Variants in ADCY3 observed in about 807,000 individuals in gnomAD.
ADCY3 encodes adenylate cyclase type 3.
A neutral mutation model predicts 119.4 loss-of-function variants in ADCY3; 70 were observed. That is an observed-to-expected ratio of 0.59 (90% CI 0.48 to 0.72). The LOEUF (loss-of-function observed/expected upper bound fraction) is 0.72. Ranked by LOEUF, ADCY3 falls within the 30% of genes least tolerant of loss-of-function variation. ADCY3 has a pLI of 0.00. For missense variants in ADCY3, 1,238 were observed against 1,541.6 expected, an observed-to-expected ratio of 0.80 and a Z score of 3.30; for synonymous variants, 672 against 621.4, an observed-to-expected ratio of 1.08 and a Z score of -1.21.
intron 13 of ADCY3, among the ~76,000 whole-genome samples, chr2:24,828,471 G>C (rs943897402): frequency 6.6e-6 from 1 of 152,152 alleles, no homozygotes; most frequent in African/African-American, 2.4e-5. Context: ...GCCAAAAGTA[G>C]GAGCCAAGTC....
chr2:24,900,639 G>A (rs1678801348), intron 2 of ADCY3, among the ~76,000 whole-genome samples: 1 of 152,154 alleles, frequency 6.6e-6, no homozygotes, highest in Non-Finnish European at 1.5e-5. Flanking sequence ...AAACCATGTC[G>A]CCTGAGGACT....
At chr2:24,831,826 C>T (rs533200256) in intron 11 of ADCY3, 77 bp from the exon 12 acceptor site, 365 of 139,964 alleles carry the variant, frequency 2.6e-3, no homozygotes, top group African/African-American at 9.3e-3. Flanking sequence ...GAGGAAGGGA[C>T]GGGGATGGGG....
chr2:24,849,277 A>C (rs1460614096), intron 3 of ADCY3, among the ~76,000 whole-genome samples: 1 of 152,080 alleles, frequency 6.6e-6, no homozygotes, highest in Non-Finnish European at 1.5e-5. Flanking sequence ...GCCCCTGACC[A>C]CAGTACTGGT....
intron 2 of ADCY3, among the ~76,000 whole-genome samples, chr2:24,893,224 G>GGACA (rs754991054): frequency 3.3e-4 from 50 of 152,076 alleles, no homozygotes; most frequent in Non-Finnish European, 6.3e-4. Context: ...TTTTTGTAGA[G>GGACA]GACAGATGTG....
Position 24,822,570 on chromosome 2 carries a change from T to C in ADCY3, c.2944A>G (p.Met982Val), listed in dbSNP as rs1667941053. 6.2e-7 allele frequency: 1 copy of C among 1,613,856 alleles called. No individual in the cohort carries two copies. Among genetic ancestry groups the C allele is most frequent in the Non-Finnish European group, 8.5e-7 (1 of 1,179,986 alleles). Residue 982 changes from methionine to valine, a missense_variant, in exon 19 of 22, where the codon ATG (methionine) becomes GTG (valine). Transcript: ENST00000679454. ...TKIKTIGSTY[M>V]AASGVTPDVN... ...TCGGGGGTGACTCCTGAAGCCGCCA[T>C]ATACGTGCTGCCAATGGTTTTGATC... is the stretch of plus-strand genomic sequence containing the variant.
At chr2:24,907,990 T>C (rs1432182595) in intron 2 of ADCY3, among the ~76,000 whole-genome samples, 1 of 149,574 alleles carries the variant, frequency 6.7e-6, no homozygotes, top group Non-Finnish European at 1.5e-5. Context: ...CGAGACTCTC[T>C]CTCAAGAAAA....
Position 24,878,547 on chromosome 2 carries a change from C to T in ADCY3, c.676-5828G>A, listed in dbSNP as rs772643914. On this transcript the variant is annotated intron_variant, in intron 2 of 21. Coordinates refer to ENST00000679454, the MANE Select transcript of ADCY3 (RefSeq NM_004036.5). This position sits in a 1 kb window ranked among gnomAD's most constrained non-coding sequence, Gnocchi z 4.0. ...CCGTGTCGCCCACAGAGACCTATGA[C>T]GTTCTGCGGCTGGAGGCCAGCCGCA... 2.6e-5 allele frequency among the ~76,000 whole-genome samples: 4 copies of T among 152,172 alleles called. No homozygotes were observed. Among genetic ancestry groups the T allele is most frequent in the Admixed American group, 6.5e-5 (1 of 15,284 alleles).
At chr2:24,904,311 C>T in intron 2 of ADCY3, among the ~76,000 whole-genome samples, 1 of 152,086 alleles carries the variant, frequency 6.6e-6, no homozygotes, top group East Asian at 1.9e-4. Context: ...GGGCAGAGAA[C>T]TTGAGATCAG....
rs547942840 is a variant in ADCY3, at chr2:24,844,256, G to A, written c.826-1872C>T. 4.6e-5 allele frequency among the ~76,000 whole-genome samples: 7 copies of A among 152,170 alleles called. No individual in the cohort carries two copies. The South Asian group carries it at 1.5e-3, about 32-fold the overall frequency. ...GCTGAAAGGTGAGGAGTGCATGGGCGGGAACTCAGGACCCCCAGGAGCTCT... is the reference window on the plus strand; with the variant it reads ...GCTGAAAGGTGAGGAGTGCATGGGCAGGAACTCAGGACCCCCAGGAGCTCT... On this transcript the variant is annotated intron_variant, in intron 3 of 21. Coordinates refer to ENST00000679454, the MANE Select transcript of ADCY3 (RefSeq NM_004036.5).
chr2:24,857,995 T>A (rs75102959), intron 3 of ADCY3, among the ~76,000 whole-genome samples: 1 of 146,194 alleles, frequency 6.8e-6, no homozygotes, highest in Non-Finnish European at 1.5e-5. Context: ...GTCTGAATTT[T>A]TTTTTTTTTT....
chr2:24,821,335 G>C (rs1667672600), intron 20 of ADCY3, 182 bp downstream of exon 20: 3 of 821,424 alleles, frequency 3.7e-6, no homozygotes, highest in African/African-American at 3.4e-5. Flanking sequence ...CTGGGTTTTT[G>C]GTTTAGTCAT....
At chr2:24,881,117 G>A (rs1676350396) in intron 2 of ADCY3, among the ~76,000 whole-genome samples, 1 of 152,110 alleles carries the variant, frequency 6.6e-6, no homozygotes, top group South Asian at 2.1e-4. Flanking sequence ...ATTCTGAAAT[G>A]CCCATGAGGG....
At chr2:24,844,502 C>A (rs912041925) in intron 3 of ADCY3, among the ~76,000 whole-genome samples, 1 of 152,052 alleles carries the variant, frequency 6.6e-6, no homozygotes, top group Non-Finnish European at 1.5e-5. Context: ...CCCTGAGGCC[C>A]GAGAGAGGCC....
chr2:24,849,483 T>C (rs1421427993), intron 3 of ADCY3, among the ~76,000 whole-genome samples: 1 of 152,180 alleles, frequency 6.6e-6, no homozygotes, highest in Non-Finnish European at 1.5e-5. Context: ...GGAATTTCCA[T>C]TTTTTTCCCT....
chr2:24,873,512 G>T lies in ADCY3; in HGVS notation c.676-793C>A, dbSNP rs186542373. 2.6e-5 allele frequency among the ~76,000 whole-genome samples: 4 copies of T among 152,286 alleles called. No individual in the cohort carries two copies. In the East Asian group the frequency reaches 7.7e-4, roughly 29 times the overall value. On this transcript the variant is annotated intron_variant, in intron 2 of 21. Transcript: ENST00000679454. Reference sequence around the variant, plus strand: ...CCCTGGCACCCTGAAGATGCCCCAGGTGTCCTGGCCCACTTCCACAGGCTG... The same window carrying T: ...CCCTGGCACCCTGAAGATGCCCCAGTTGTCCTGGCCCACTTCCACAGGCTG...
intron 7 of ADCY3, among the ~76,000 whole-genome samples, 155 bp downstream of exon 7, chr2:24,839,718 C>T (rs922019098): frequency 2.0e-5 from 3 of 152,178 alleles, no homozygotes; most frequent in Non-Finnish European, 4.4e-5. Flanking sequence ...TTAGCCAGGG[C>T]CAGGACCAGG....
chr2:24,841,337 A>G lies in ADCY3; in HGVS notation c.1118T>C (p.Ile373Thr), dbSNP rs1037005749. 3 of 1,601,818 alleles carry G rather than the reference A, an allele frequency of 1.9e-6. No individual in the cohort carries two copies. Among genetic ancestry groups the G allele is most frequent in the Non-Finnish European group, 2.6e-6 (3 of 1,174,602 alleles). The change falls in exon 6 of 22, where the codon ATC becomes ACC. Residue 373 changes from isoleucine to threonine, a missense_variant. By Grantham distance (89) the Ile-to-Thr change is moderately conservative. Coordinates refer to ENST00000679454, the MANE Select transcript of ADCY3 (RefSeq NM_004036.5). This position sits in a 1 kb window ranked among gnomAD's most constrained non-coding sequence, Gnocchi z 5.8. Reference protein sequence around the residue: ...IKILGDCYYCICGLPDYREDH... With the variant: ...IKILGDCYYCTCGLPDYREDH... ...CTCCCGGTAGTCGGGCAAGCCGCAG[A>G]TGCAGTAGTAGCAGTCGCCCAGGAT... is the stretch of plus-strand genomic sequence containing the variant.
At chr2:24,866,819 C>T (rs1457942617) in intron 3 of ADCY3, among the ~76,000 whole-genome samples, 1 of 151,986 alleles carries the variant, frequency 6.6e-6, no homozygotes. Flanking sequence ...AAGAGCTCAA[C>T]CACTGATCTG....
At position 24,918,429 on chromosome 2, in the gene ADCY3, G is replaced by A; in HGVS notation, c.559C>T (p.Leu187Phe). The A allele has an allele frequency of 3.1e-6, 5 of 1,614,006 alleles. No individual in the cohort carries two copies. The highest frequency in any genetic ancestry group is 1.1e-5 in the South Asian group (1 of 91,078). ...ACGGAGATGATCACGATGGGGCTGA[G>A]GCTGAGGGGCAGCGTGATGAAGAAG... ...FSFFITLPLS[L>F]SPIVIISVVS... is the part of the protein sequence containing the mutation. Residue 187 changes from leucine to phenylalanine, a missense_variant, in exon 2 of 22, where the codon CTC (leucine) becomes TTC (phenylalanine). Transcript: ENST00000679454. This position sits in a 1 kb window ranked among gnomAD's most constrained non-coding sequence, Gnocchi z 5.4.
Sources: allele counts gnomAD v4.1 joint callset (sites outside exome capture counted in the v4.1 genomes callset), GRCh38; gene constraint gnomAD v4.1.1; non-coding constraint Gnocchi (gnomAD v3.1); transcripts MANE v1.5; gene names NCBI Gene and HGNC (gene_info 2026-07-23, HGNC 2026-07-21).